ANKRD29: variants seen among roughly 807,000 people sequenced by gnomAD.
ANKRD29 encodes the protein ankyrin repeat domain 29.
A neutral mutation model predicts 38.0 loss-of-function variants in ANKRD29; 32 were observed. The observed-to-expected ratio is 0.84, with a 90% CI of 0.64 to 1.13. ANKRD29 has a LOEUF of 1.13. ANKRD29 is among the 50% of genes most tolerant of loss of function. ANKRD29 has a pLI of 0.00. For missense variants in ANKRD29, 357 were observed against 377.9 expected (o/e 0.94, Z 0.46); for synonymous variants, 135 against 152.4 (o/e 0.89, Z 0.84).
intron 1 of ANKRD29, among the ~76,000 whole-genome samples, chr18:23,656,745 T>C (rs1375187425): frequency 6.6e-6 from 1 of 152,228 alleles, no homozygotes. Flanking sequence ...AGGTCTCTTT[T>C]ATTATTGTGG....
chr18:23,645,303 A>G (rs2060124473), intron 3 of ANKRD29, among the ~76,000 whole-genome samples: 1 of 152,132 alleles, frequency 6.6e-6, no homozygotes, highest in Non-Finnish European at 1.5e-5. Context: ...AGTATGTTAA[A>G]ATGTCCCAGC....
rs548372074 is a variant in ANKRD29, at chr18:23,662,843, C to T, written c.-113G>A. On this transcript the variant is annotated 5_prime_UTR_variant, in exon 1 of 10. Coordinates refer to ENST00000592179, the MANE Select transcript of ANKRD29 (RefSeq NM_173505.4). Reference sequence around the variant, plus strand: ...CGTTCCGCAGAGGGGCGGCCTCCGACGCCGCGCGCTCCCGCCGCCCGGCCC... The same window carrying T: ...CGTTCCGCAGAGGGGCGGCCTCCGATGCCGCGCGCTCCCGCCGCCCGGCCC... 5.2e-4 allele frequency: 526 copies of T among 1,017,110 alleles called. 11 individuals carry two copies. In the East Asian group the frequency reaches 0.018, roughly 36 times the overall value. The allele number at this position is 1,017,110 out of a possible 1,614,324, so 63.0% of individuals were successfully genotyped here.
chr18:23,612,085 T>C lies in ANKRD29; in HGVS notation c.822+7A>G, dbSNP rs2059649748. The stretch of plus-strand genomic sequence containing the variant: ...CCAAACGAGTTAAAAGATTGCTTAG[T>C]GGGTACCTTGTTTCTCAGGGATGGG... On this transcript the variant is annotated splice_region_variant and intron_variant, in intron 9 of 9. Transcript: ENST00000592179. The C allele has an allele frequency of 1.9e-6, 3 of 1,612,814 alleles. No individual in the cohort carries two copies. Among genetic ancestry groups the C allele is most frequent in the East Asian group, 4.5e-5 (2 of 44,874 alleles).
Position 23,643,002 on chromosome 18 carries a change from T to C in ANKRD29, c.231+3187A>G, listed in dbSNP as rs553335654. 4.6e-5 allele frequency among the ~76,000 whole-genome samples: 7 copies of C among 152,340 alleles called. No individual in the cohort carries two copies. The South Asian group carries it at 1.4e-3, about 32-fold the overall frequency. On this transcript the variant is annotated intron_variant, in intron 3 of 9. Coordinates refer to ENST00000592179, the MANE Select transcript of ANKRD29 (RefSeq NM_173505.4). Reference sequence around the variant, plus strand: ...TTCTCTTGGGGAGCAGGCAACCCTTTTCCTTTCCATAAGGGAACCTGGTTC... The same window carrying C: ...TTCTCTTGGGGAGCAGGCAACCCTTCTCCTTTCCATAAGGGAACCTGGTTC...
chr18:23,634,287 T>G (rs933127078), intron 4 of ANKRD29, 138 bp from the exon 5 acceptor site: 126 of 135,866 alleles, frequency 9.3e-4, no homozygotes, highest in Middle Eastern at 2.7e-3. Flanking sequence ...TGTTTTTTTT[T>G]TTTTTTTTTT....
chr18:23,662,485 A>T (rs1236594505), intron 1 of ANKRD29, among the ~76,000 whole-genome samples: 1 of 152,152 alleles, frequency 6.6e-6, no homozygotes, highest in South Asian at 2.1e-4. Flanking sequence ...CATGAGTGCG[A>T]AGCCTCTCAG....
chr18:23,649,661 A>G, intron 1 of ANKRD29: 1 of 427,564 alleles, frequency 2.3e-6, no homozygotes, highest in Non-Finnish European at 4.6e-6. Flanking sequence ...TAAGCCCTCA[A>G]TGCTTTCTAT....
intron 9 of ANKRD29, among the ~76,000 whole-genome samples, chr18:23,603,868 A>G (rs1455610645): frequency 6.7e-6 from 1 of 149,730 alleles, no homozygotes; most frequent in African/African-American, 2.5e-5. Flanking sequence ...TTTAAGACGG[A>G]GTCTCACTCT....
chr18:23,629,830 C>T (rs2059906946), intron 6 of ANKRD29, 23 bp downstream of exon 6: 1 of 1,607,582 alleles, frequency 6.2e-7, no homozygotes, highest in Admixed American at 1.7e-5. Context: ...TGTGCTCGGG[C>T]AAATGTCAAC....
intron 9 of ANKRD29, among the ~76,000 whole-genome samples, chr18:23,601,887 G>C (rs541567948): frequency 4.0e-5 from 6 of 151,698 alleles, no homozygotes; most frequent in African/African-American, 1.5e-4. Context: ...TGAACTCCTC[G>C]GTTTAAGTGA....
Position 23,611,871 on chromosome 18 carries a change from GA to G in ANKRD29, c.822+220del, listed in dbSNP as rs370656453. 2.9e-3 allele frequency among the ~76,000 whole-genome samples: 411 copies of G among 141,238 alleles called. 1 individual carries two copies. Among genetic ancestry groups the G allele is most frequent in the African/African-American group, 8.8e-3 (340 of 38,634 alleles). The allele number at this position is 141,238 out of a possible 152,430, so 92.7% of individuals were successfully genotyped here. On this transcript the variant is annotated intron_variant, in intron 9 of 9. Coordinates refer to ENST00000592179, the MANE Select transcript of ANKRD29 (RefSeq NM_173505.4). ...CTTGACACAAGGGTTTGTTAAAAAA[GA>G]AAAAAAAAAACCATTGATATGAGTC...
chr18:23,613,055 T>C (rs2059663696), intron 8 of ANKRD29, among the ~76,000 whole-genome samples: 1 of 152,214 alleles, frequency 6.6e-6, no homozygotes, highest in Non-Finnish European at 1.5e-5. Flanking sequence ...AGTAGCATTT[T>C]TCTATGGTTG....
At chr18:23,630,968 AAAAAAAAAAAAAAAG>A (rs1335949503) in intron 5 of ANKRD29, among the ~76,000 whole-genome samples, 1 of 28,620 alleles carries the variant, frequency 3.5e-5, no homozygotes, top group Non-Finnish European at 1.2e-4. Context: ...ACCCTGTCTC[AAAAAAAAAAAAAAAG>A]AAAAAAAAGA....
intron 6 of ANKRD29, among the ~76,000 whole-genome samples, chr18:23,628,541 T>G (rs2059889878): frequency 6.6e-6 from 1 of 152,124 alleles, no homozygotes; most frequent in Non-Finnish European, 1.5e-5. Flanking sequence ...TTGTTAAAAA[T>G]AAATTAATCT....
chr18:23,650,804 CTATT>C (rs2060201470), intron 1 of ANKRD29, among the ~76,000 whole-genome samples: 1 of 152,184 alleles, frequency 6.6e-6, no homozygotes, highest in African/African-American at 2.4e-5. Flanking sequence ...TTCCTTTCCT[CTATT>C]TACTTTTCTT....
chr18:23,624,782 A>G (rs1226827568), intron 6 of ANKRD29, among the ~76,000 whole-genome samples: 1 of 152,186 alleles, frequency 6.6e-6, no homozygotes, highest in Admixed American at 6.5e-5. Context: ...GGATTCGAGT[A>G]CCGATGGATG....
In ANKRD29 at chr18:23,648,811, G is replaced by A. The variant is rs112960321; in HGVS notation, c.132+272C>T. On this transcript the variant is annotated intron_variant, in intron 2 of 9. Transcript: ENST00000592179. ...TTTCACTAAACAGGCTTTTCTTCTT[G>A]TAATCTGCCAATTCTGATTCCCAGT... 10 of 418,664 alleles carry A rather than the reference G, an allele frequency of 2.4e-5. 1 individual carries two copies. The highest frequency in any genetic ancestry group is 1.0e-4 in the African/African-American group (5 of 48,850). The allele number at this position is 418,664 out of a possible 1,614,324, so 25.9% of individuals were successfully genotyped here.
At chr18:23,619,265 G>GC (rs2059763186) in intron 7 of ANKRD29, 1 of 431,876 alleles carries the variant, frequency 2.3e-6, no homozygotes, top group Non-Finnish European at 4.1e-6. Context: ...CAGGCGGGAG[G>GC]CCCCCAGGAC....
chr18:23,619,697 T>C (rs1289209358), intron 6 of ANKRD29, 68 bp from the exon 7 acceptor site: 2 of 1,363,036 alleles, frequency 1.5e-6, no homozygotes. Flanking sequence ...CAGAACGTCT[T>C]TAACACCAGG....
Sources: allele counts gnomAD v4.1 joint callset (sites outside exome capture counted in the v4.1 genomes callset), GRCh38; gene constraint gnomAD v4.1.1; transcripts MANE v1.5; gene names NCBI Gene and HGNC (gene_info 2026-07-23, HGNC 2026-07-21).